The following NTNG1 variants were observed in gnomAD, a reference collection of about 807,000 sequenced individuals.
The protein encoded by NTNG1 is netrin-G1.
A neutral mutation model predicts 54.0 loss-of-function variants in NTNG1; 16 were observed. That is an observed-to-expected ratio of 0.30 (90% CI 0.20 to 0.45). NTNG1 has a LOEUF of 0.45. Among genes scored for constraint, NTNG1 ranks in the 20% least tolerant of loss-of-function variants. The pLI is 1.00. For missense variants in NTNG1, 530 were observed against 678.7 expected, an observed-to-expected ratio of 0.78 and a Z score of 2.43; for synonymous variants, 255 against 263.1, an observed-to-expected ratio of 0.97 and a Z score of 0.30.
intron 2 of NTNG1, among the ~76,000 whole-genome samples, chr1:107,297,189 A>AACG (rs1334552792): frequency 1.4e-3 from 197 of 144,622 alleles, no homozygotes; most frequent in East Asian, 0.01. Flanking sequence ...AACATCATAT[A>AACG]TATATAACAT....
At chr1:107,328,284 G>A (rs1210875345) in intron 3 of NTNG1, among the ~76,000 whole-genome samples, 2 of 152,128 alleles carry the variant, frequency 1.3e-5, no homozygotes, top group African/African-American at 4.8e-5. Context: ...CGAGTGCAGT[G>A]TGCCAGTACC....
intron 2 of NTNG1, among the ~76,000 whole-genome samples, chr1:107,157,072 T>C (rs926140675): frequency 6.6e-6 from 1 of 152,178 alleles, no homozygotes; most frequent in Non-Finnish European, 1.5e-5. Context: ...AGCTTACACT[T>C]TCTATGTGTT....
chr1:107,401,324 A>C (rs1037685568), intron 4 of NTNG1, among the ~76,000 whole-genome samples: 1 of 152,168 alleles, frequency 6.6e-6, no homozygotes, highest in Non-Finnish European at 1.5e-5. Context: ...TATGTGTATG[A>C]CCAAGCTGTA....
chr1:107,205,621 T>C (rs1659120593), intron 2 of NTNG1, among the ~76,000 whole-genome samples: 1 of 151,260 alleles, frequency 6.6e-6, no homozygotes, highest in Admixed American at 6.6e-5. Flanking sequence ...AAGCAGACTT[T>C]TTTTTTAAAA....
Position 107,188,104 on chromosome 1 carries a change from A to G in NTNG1, c.246+39265A>G, listed in dbSNP as rs567916014. Among the ~76,000 whole-genome samples the G allele has an allele frequency of 2.0e-5, 3 of 152,132 alleles. No homozygotes were observed. The South Asian group carries it at 6.2e-4, about 32-fold the overall frequency. ...TGTGCCACTCAGCGTTGCTGATTAC[A>G]TCTTATTTGACAGTTTTTAATTACA... On this transcript the variant is annotated intron_variant, in intron 2 of 7. Transcript: ENST00000370068.
At chr1:107,167,141 A>T (rs1369474895) in intron 2 of NTNG1, among the ~76,000 whole-genome samples, 2 of 152,054 alleles carry the variant, frequency 1.3e-5, no homozygotes, top group Non-Finnish European at 2.9e-5. Context: ...ACTGTTTTCC[A>T]GTAAGAAAGA....
intron 7 of NTNG1, among the ~76,000 whole-genome samples, chr1:107,478,203 G>A (rs965384561): frequency 5.9e-5 from 9 of 152,148 alleles, no homozygotes; most frequent in Non-Finnish European, 1.3e-4. Context: ...TGTATGTATG[G>A]TAAAGTTCTG....
At chr1:107,416,103 G>A (rs918745218) in intron 5 of NTNG1, among the ~76,000 whole-genome samples, 1 of 152,106 alleles carries the variant, frequency 6.6e-6, no homozygotes, top group African/African-American at 2.4e-5. Context: ...TGTGCAGTCG[G>A]TAACACACTA....
intron 7 of NTNG1, among the ~76,000 whole-genome samples, chr1:107,471,734 G>T (rs1254547167): frequency 2.6e-5 from 4 of 152,220 alleles, no homozygotes; most frequent in Non-Finnish European, 5.9e-5. Context: ...TTTCATACTA[G>T]CAGAAGACAT....
chr1:107,466,918 C>T (rs1412704006), intron 7 of NTNG1, among the ~76,000 whole-genome samples: 1 of 152,172 alleles, frequency 6.6e-6, no homozygotes, highest in Non-Finnish European at 1.5e-5. Flanking sequence ...ACTTAATTTC[C>T]CCCCTTTTCA....
At chr1:107,400,579 G>A (rs1487468080) in intron 4 of NTNG1, among the ~76,000 whole-genome samples, 1 of 151,754 alleles carries the variant, frequency 6.6e-6, no homozygotes, top group Non-Finnish European at 1.5e-5. Flanking sequence ...CTCATTATAG[G>A]AACTAAAATG....
chr1:107,452,103 G>A (rs781438625), intron 7 of NTNG1, among the ~76,000 whole-genome samples: 1 of 152,114 alleles, frequency 6.6e-6, no homozygotes, highest in Non-Finnish European at 1.5e-5. Flanking sequence ...CCTCATTGGG[G>A]TTGTTATGGA....
At chr1:107,340,653 A>T (rs533331495) in intron 3 of NTNG1, among the ~76,000 whole-genome samples, 20 of 152,088 alleles carry the variant, frequency 1.3e-4, no homozygotes, top group Admixed American at 2.0e-4. Context: ...AGGAAATTAC[A>T]CACCACAGGT....
intron 7 of NTNG1, 33 bp from the exon 8 acceptor site, chr1:107,480,578 C>CCCCCCCCCCCA: frequency 1.7e-6 from 1 of 577,312 alleles, no homozygotes. Context: ...CTCCCCGCGC[C>CCCCCCCCCCCA]CACCCACCCC....
At chr1:107,177,387 T>G (rs1294452502) in intron 2 of NTNG1, among the ~76,000 whole-genome samples, 1 of 151,710 alleles carries the variant, frequency 6.6e-6, no homozygotes, top group Admixed American at 6.6e-5. Flanking sequence ...CAGGCTAGAG[T>G]GCAGTGGCAC....
intron 2 of NTNG1, among the ~76,000 whole-genome samples, chr1:107,159,847 G>A (rs561236644): frequency 1.1e-4 from 16 of 152,284 alleles, no homozygotes; most frequent in African/African-American, 3.8e-4. Context: ...TCTTCATTCA[G>A]GGATAAGAGA....
intron 2 of NTNG1, among the ~76,000 whole-genome samples, chr1:107,282,507 A>G (rs370419262): frequency 6.9e-4 from 105 of 152,248 alleles, no homozygotes; most frequent in African/African-American, 2.3e-3. Flanking sequence ...CTGTAACACT[A>G]CTGAGAAGGT....
chr1:107,247,514 T>C (rs1474559194), intron 2 of NTNG1, among the ~76,000 whole-genome samples: 1 of 152,218 alleles, frequency 6.6e-6, no homozygotes, highest in Non-Finnish European at 1.5e-5. Flanking sequence ...TGTGTGTTAG[T>C]GAATTCTTGA....
In NTNG1 at chr1:107,482,590, C is replaced by G. The variant is rs1348066783; in HGVS notation, c.*1750C>G. The G allele has an allele frequency of 6.6e-6, 1 of 152,230 alleles. No individual in the cohort carries two copies. Among genetic ancestry groups the G allele is most frequent in the Non-Finnish European group, 1.5e-5 (1 of 68,102 alleles). 9.4% of individuals were successfully genotyped at this position (152,230 alleles called of 1,614,324 possible). On this transcript the variant is annotated 3_prime_UTR_variant, in exon 8 of 8. Transcript: ENST00000370068. ...TATTAGCAGCAGCATCTCCTGGAAT[C>G]AAAAACAATTATCAGCCCGAACCAG...
Sources: gnomAD v4.1 joint callset for allele counts (sites outside exome capture counted in the v4.1 genomes callset) on GRCh38, gnomAD v4.1.1 for gene constraint, MANE v1.5 for transcripts, NCBI Gene and HGNC (gene_info 2026-07-23, HGNC 2026-07-21) for gene names.